The following FGF2 variants were observed in gnomAD, a reference collection of about 807,000 sequenced individuals.
FGF2 encodes the protein fibroblast growth factor 2.
A neutral mutation model predicts 15.9 loss-of-function variants in FGF2; 13 were observed. That is an observed-to-expected ratio of 0.82 (90% CI 0.53 to 1.30). FGF2 has a LOEUF of 1.30. Ranked by LOEUF, FGF2 falls within the 50% of genes most tolerant of loss-of-function variation. The pLI, the probability that FGF2 is intolerant of heterozygous loss-of-function variation, is 0.00. For synonymous variants in FGF2, 90 were observed against 78.4 expected (o/e 1.15, Z -0.78); for missense variants, 163 against 196.9 (o/e 0.83, Z 1.03).
chr4:122,852,560 C>T (rs1726257044), intron 1 of FGF2, among the ~76,000 whole-genome samples: 1 of 152,202 alleles, frequency 6.6e-6, no homozygotes. Flanking sequence ...CAAAATAAGT[C>T]TGCCATCAGA....
intron 2 of FGF2, among the ~76,000 whole-genome samples, chr4:122,888,313 A>C (rs558991228): frequency 6.6e-6 from 1 of 152,130 alleles, no homozygotes; most frequent in Non-Finnish European, 1.5e-5. Flanking sequence ...CTGAACCTTC[A>C]TTCTCTCTGC....
intron 2 of FGF2, among the ~76,000 whole-genome samples, chr4:122,887,829 C>G (rs1220170331): frequency 6.6e-6 from 1 of 152,150 alleles, no homozygotes; most frequent in African/African-American, 2.4e-5. Context: ...ATGTATACAT[C>G]TACATTTCTT....
chr4:122,885,339 T>A (rs1727034713), intron 2 of FGF2, among the ~76,000 whole-genome samples: 1 of 152,210 alleles, frequency 6.6e-6, no homozygotes, highest in South Asian at 2.1e-4. Flanking sequence ...TAGATGAATA[T>A]CTTCACAAAC....
At chr4:122,873,681 C>A (rs1453449271) in intron 1 of FGF2, among the ~76,000 whole-genome samples, 2 of 152,152 alleles carry the variant, frequency 1.3e-5, no homozygotes, top group African/African-American at 4.8e-5. Context: ...GGGAAGAGAT[C>A]ATCTGTATAT....
chr4:122,887,419 C>A (rs146000538), intron 2 of FGF2, among the ~76,000 whole-genome samples: 4 of 152,200 alleles, frequency 2.6e-5, no homozygotes, highest in East Asian at 1.9e-4. Context: ...CAGTCCCCCC[C>A]ACTTGCTTGT....
chr4:122,874,935 T>C (rs907973776), intron 1 of FGF2, among the ~76,000 whole-genome samples: 2 of 152,190 alleles, frequency 1.3e-5, no homozygotes, highest in African/African-American at 2.4e-5. Flanking sequence ...AAGAATATCC[T>C]AAACATATCC....
rs144561725 is a variant in FGF2 at position 122,839,614 on chromosome 4, C to T, written c.178+12262C>T. ...CAAATGGTATCACCATCTTCCTTGC[C>T]AACCAGGCCCAGGTGTTAGAGTGAA... On this transcript the variant is annotated intron_variant, in intron 1 of 2. Transcript: ENST00000644866. 3.3e-5 allele frequency among the ~76,000 whole-genome samples: 5 copies of T among 152,326 alleles called. No individual in the cohort carries two copies. In the East Asian group the frequency reaches 9.6e-4, roughly 29 times the overall value.
chr4:122,893,445 CT>C lies in FGF2; in HGVS notation c.*1052del, dbSNP rs11340920. ...GAAGCTTTTGAAATGCTGAATATTTCTTTGGCTGCTACTTGGAGGCTTATCT... is the reference window on the plus strand; with the variant it reads ...GAAGCTTTTGAAATGCTGAATATTTCTTGGCTGCTACTTGGAGGCTTATCT... On this transcript the variant is annotated 3_prime_UTR_variant, in exon 3 of 3. Coordinates refer to ENST00000644866, the MANE Select transcript of FGF2 (RefSeq NM_001361665.2). The C allele has an allele frequency of 0.11, 48,442 of 430,494 alleles. 3,142 individuals carry two copies. The highest frequency in any genetic ancestry group is 0.16 in the Middle Eastern group (259 of 1,630). The allele number at this position is 430,494 out of a possible 1,614,324, so 26.7% of individuals were successfully genotyped here.
At chr4:122,853,483 T>C (rs145356614) in intron 1 of FGF2, among the ~76,000 whole-genome samples, 1 of 152,268 alleles carries the variant, frequency 6.6e-6, no homozygotes, top group African/African-American at 2.4e-5. Context: ...GTAAAAACCC[T>C]GAAGACAAGA....
chr4:122,855,623 G>T (rs1453884254), intron 1 of FGF2, among the ~76,000 whole-genome samples: 2 of 152,174 alleles, frequency 1.3e-5, no homozygotes. Flanking sequence ...GCTTTGGAAG[G>T]CCTCTGCTAG....
chr4:122,880,393 C>T lies in FGF2; in HGVS notation c.282+3969C>T, dbSNP rs190801261. Among the ~76,000 whole-genome samples the T allele has an allele frequency of 1.5e-3, 232 of 152,044 alleles. 5 individuals carry two copies. Among genetic ancestry groups the T allele is most frequent in the South Asian group, 0.013 (64 of 4,796 alleles). ...TCCCGAGCAGCTGAGACTATAGGCA[C>T]CCGCCACCATGCCCGGCTAATTTTT... On this transcript the variant is annotated intron_variant, in intron 2 of 2. Transcript: ENST00000644866.
intron 2 of FGF2, among the ~76,000 whole-genome samples, chr4:122,879,205 A>T (rs987545252): frequency 5.3e-5 from 8 of 152,182 alleles, no homozygotes; most frequent in African/African-American, 1.9e-4. Context: ...AGGTGATGTA[A>T]TAGTTTGGGA....
At chr4:122,883,251 A>G (rs1322148111) in intron 2 of FGF2, 1 of 152,178 alleles carries the variant, frequency 6.6e-6, no homozygotes, top group Non-Finnish European at 1.5e-5. Flanking sequence ...TGCTGTGGAT[A>G]CAAAAAACAT....
chr4:122,844,590 C>T (rs56876857), intron 1 of FGF2, among the ~76,000 whole-genome samples: 38 of 107,762 alleles, frequency 3.5e-4, no homozygotes, highest in African/African-American at 7.3e-4. Flanking sequence ...TTTCTTTCTT[C>T]CTTCCTTCCT....
At chr4:122,847,856 A>G (rs1434564639) in intron 1 of FGF2, among the ~76,000 whole-genome samples, 2 of 152,182 alleles carry the variant, frequency 1.3e-5, no homozygotes, top group Admixed American at 6.5e-5. Context: ...CAGGCCTTCA[A>G]CTGATTTGAT....
chr4:122,859,489 A>C (rs889126083), intron 1 of FGF2, among the ~76,000 whole-genome samples: 2 of 152,220 alleles, frequency 1.3e-5, no homozygotes, highest in African/African-American at 4.8e-5. Flanking sequence ...TGCCTCAGCC[A>C]CATTCATACT....
intron 2 of FGF2, among the ~76,000 whole-genome samples, chr4:122,883,868 T>C (rs1727007095): frequency 6.6e-6 from 1 of 152,202 alleles, no homozygotes; most frequent in South Asian, 2.1e-4. Context: ...TGAAAAAATG[T>C]ATATTCTCTG....
intron 1 of FGF2, among the ~76,000 whole-genome samples, chr4:122,852,402 A>AGTT (rs1193834207): frequency 1.3e-5 from 2 of 152,224 alleles, no homozygotes; most frequent in Non-Finnish European, 2.9e-5. Flanking sequence ...CAAGAGAGCA[A>AGTT]GCTCCATTGT....
intron 2 of FGF2, among the ~76,000 whole-genome samples, chr4:122,891,853 G>A (rs1727197643): frequency 6.6e-6 from 1 of 152,106 alleles, no homozygotes; most frequent in Non-Finnish European, 1.5e-5. Context: ...AATACTGCTG[G>A]GAGCTATAGC....
Sources: gnomAD v4.1 joint callset for allele counts (sites outside exome capture counted in the v4.1 genomes callset) on GRCh38, gnomAD v4.1.1 for gene constraint, MANE v1.5 for transcripts, NCBI Gene and HGNC (gene_info 2026-07-23, HGNC 2026-07-21) for gene names.